Variants in NBPF3 observed in about 807,000 individuals in gnomAD.
NBPF3 encodes the protein NBPF member 3.
NBPF3 carries 57 observed loss-of-function variants against 78.1 expected under a neutral mutation model. That is an observed-to-expected ratio of 0.73 (90% CI 0.59 to 0.91). The LOEUF (loss-of-function observed/expected upper bound fraction) is 0.91. NBPF3 is among the 40% of genes least tolerant of loss of function. The pLI, the probability that NBPF3 is intolerant of heterozygous loss-of-function variation, is 0.00. For missense variants in NBPF3, 510 were observed against 715.3 expected, an observed-to-expected ratio of 0.71 and a Z score of 3.27; for synonymous variants, 182 against 271.7, an observed-to-expected ratio of 0.67 and a Z score of 3.25.
Position 21,447,671 on chromosome 1 carries a change from C to A in NBPF3, c.133+2452C>A, listed in dbSNP as rs531289972. ...CACTTGGTGAAAGACATCTTGGGTA[C>A]TTCCAAGTTTTGGCAATTATGAATA... On this transcript the variant is annotated intron_variant, in intron 2 of 14. Coordinates refer to ENST00000318249, the MANE Select transcript of NBPF3 (RefSeq NM_032264.6). 1.6e-4 allele frequency among the ~76,000 whole-genome samples: 24 copies of A among 152,302 alleles called. No homozygotes were observed. In the South Asian group the frequency reaches 5.0e-3, roughly 32 times the overall value.
At chr1:21,448,480 G>A (rs1418821219) in intron 2 of NBPF3, among the ~76,000 whole-genome samples, 13 of 151,994 alleles carry the variant, frequency 8.6e-5, no homozygotes, top group Non-Finnish European at 4.4e-5. Flanking sequence ...CCTTTTCCAC[G>A]AATCTATTTG....
chr1:21,462,465 A>G (rs1480779646), intron 2 of NBPF3, among the ~76,000 whole-genome samples: 2 of 152,242 alleles, frequency 1.3e-5, no homozygotes, highest in African/African-American at 4.8e-5. Context: ...TTAGCATACA[A>G]CAGAGAGATA....
intron 3 of NBPF3, 72 bp downstream of exon 3, chr1:21,468,969 T>A: frequency 8.4e-7 from 1 of 1,191,836 alleles, no homozygotes; most frequent in Admixed American, 2.0e-5. Flanking sequence ...AACTAAATGC[T>A]CTCTCCATCA....
In NBPF3 at chr1:21,480,247, A is replaced by G. The variant is rs1280668573; in HGVS notation, c.1381+24A>G. 5.6e-6 allele frequency: 6 copies of G among 1,063,010 alleles called. No individual in the cohort carries two copies. In the East Asian group the frequency reaches 1.3e-4, roughly 23 times the overall value. The allele number at this position is 1,063,010 out of a possible 1,614,324, so 65.8% of individuals were successfully genotyped here. On this transcript the variant is annotated intron_variant, in intron 11 of 14. Coordinates refer to ENST00000318249, the MANE Select transcript of NBPF3 (RefSeq NM_032264.6). Reference sequence around the variant, plus strand: ...CAGTGAGTACCTTACTATGAAGGTGATAAGACTCCACCTGGTCCTCCAGAT... The same window carrying G: ...CAGTGAGTACCTTACTATGAAGGTGGTAAGACTCCACCTGGTCCTCCAGAT...
At position 21,471,463 on chromosome 1, in the gene NBPF3, TGGAGGTCTC is replaced by T. The variant is rs1642589369; in HGVS notation, c.447-105_447-97del. 3 of 1,550,882 alleles carry T rather than the reference TGGAGGTCTC, an allele frequency of 1.9e-6. No homozygotes were observed. The Admixed American group carries it at 5.1e-5, about 27-fold the overall frequency. ...TTTAAACATGTGCTGACCTTCTGCT[TGGAGGTCTC>T]CTTGAGGACATTGTCTCAGAAATCT... is the stretch of plus-strand genomic sequence containing the variant. On this transcript the variant is annotated intron_variant, in intron 4 of 14. Transcript: ENST00000318249.
chr1:21,475,451 A>T (rs981253050), intron 8 of NBPF3, among the ~76,000 whole-genome samples: 11 of 152,310 alleles, frequency 7.2e-5, no homozygotes, highest in African/African-American at 2.6e-4. Context: ...AGATTCTGGT[A>T]TGTTGTGTCT....
intron 3 of NBPF3, 88 bp from the exon 4 acceptor site, chr1:21,470,543 TG>T: frequency 9.8e-7 from 1 of 1,024,680 alleles, no homozygotes; most frequent in African/African-American, 1.6e-5. Context: ...GTTTTGTCCT[TG>T]GGATGGACCT....
At chr1:21,457,164 TCA>T (rs1641645997) in intron 2 of NBPF3, among the ~76,000 whole-genome samples, 4 of 92,974 alleles carry the variant, frequency 4.3e-5, no homozygotes, top group Non-Finnish European at 9.5e-5. Context: ...GTCTGGTGGC[TCA>T]CGTGTGTGTG....
chr1:21,457,740 A>G (rs1198723191), intron 2 of NBPF3, among the ~76,000 whole-genome samples: 1 of 152,214 alleles, frequency 6.6e-6, no homozygotes, highest in Non-Finnish European at 1.5e-5. Flanking sequence ...TATGCAAATC[A>G]GATGGACAGT....
At chr1:21,452,318 T>C (rs941371469) in intron 2 of NBPF3, among the ~76,000 whole-genome samples, 2 of 152,216 alleles carry the variant, frequency 1.3e-5, no homozygotes, top group Non-Finnish European at 2.9e-5. Flanking sequence ...AAGAGTGTCT[T>C]ATCTGAAATA....
chr1:21,466,338 G>C (rs1261029838), intron 2 of NBPF3, among the ~76,000 whole-genome samples: 3 of 152,166 alleles, frequency 2.0e-5, no homozygotes, highest in African/African-American at 7.2e-5. Context: ...CTCAAAACAG[G>C]AATCAGAAAT....
chr1:21,472,897 A>C lies in NBPF3; in HGVS notation c.716A>C (p.Gln239Pro). The C allele has an allele frequency of 6.2e-7, 1 of 1,612,148 alleles. No individual in the cohort carries two copies. Among genetic ancestry groups the C allele is most frequent in the Non-Finnish European group, 8.5e-7 (1 of 1,178,186 alleles). The change falls in exon 6 of 15, where the codon CAG (glutamine) becomes CCG (proline). Residue 239 changes from glutamine to proline, a missense_variant. Coordinates refer to ENST00000318249, the MANE Select transcript of NBPF3 (RefSeq NM_032264.6). ...AAAGTTGAGGAGGCTGAGAAAGTAC[A>C]GGAATTATATGCCCCCAGGTAACGC... ...DVKVEEAEKV[Q>P]ELYAPREVQK... is the part of the protein sequence containing the mutation.
At chr1:21,448,911 A>G (rs1405612709) in intron 2 of NBPF3, among the ~76,000 whole-genome samples, 2 of 152,236 alleles carry the variant, frequency 1.3e-5, no homozygotes, top group East Asian at 3.8e-4. Context: ...TGTGAGGACA[A>G]GTGATGACTG....
intron 2 of NBPF3, chr1:21,467,342 G>A: frequency 3.0e-6 from 3 of 985,494 alleles, no homozygotes; most frequent in Non-Finnish European, 3.6e-6. Flanking sequence ...GGAGACCTGG[G>A]CTACAGAACA....
chr1:21,444,146 TAAAAG>T (rs1198847012), intron 1 of NBPF3, among the ~76,000 whole-genome samples: 1 of 152,212 alleles, frequency 6.6e-6, no homozygotes, highest in Non-Finnish European at 1.5e-5. Context: ...AAATATTTCT[TAAAAG>T]AATGAATGAA....
At chr1:21,462,436 T>C (rs1224678634) in intron 2 of NBPF3, among the ~76,000 whole-genome samples, 1 of 152,160 alleles carries the variant, frequency 6.6e-6, no homozygotes, top group Non-Finnish European at 1.5e-5. Flanking sequence ...TATGCAAATT[T>C]TACCTCAGTG....
rs1186485924 is a variant in NBPF3, at chr1:21,477,960, G to A, written c.993-184G>A. ...GAGCACGTGCTGCCCATTTTTGTTC[G>A]GTCCTCAGAGCAGTCACCCTCCAGC... On this transcript the variant is annotated intron_variant, in intron 8 of 14. Coordinates refer to ENST00000318249, the MANE Select transcript of NBPF3 (RefSeq NM_032264.6). 2.3e-5 allele frequency: 30 copies of A among 1,321,618 alleles called. 1 individual carries two copies. The highest frequency in any genetic ancestry group is 2.1e-4 in the South Asian group (15 of 70,758). The allele number at this position is 1,321,618 out of a possible 1,614,324, so 81.9% of individuals were successfully genotyped here.
At chr1:21,472,803 G>T (rs1642671508) in intron 5 of NBPF3, 40 bp from the exon 6 acceptor site, 6 of 1,440,432 alleles carry the variant, frequency 4.2e-6, no homozygotes, top group Non-Finnish European at 5.9e-6. Context: ...TGCAGAGTGT[G>T]AATTGGGAAA....
At chr1:21,473,634 A>G (rs1638647477) in intron 7 of NBPF3, 49 bp downstream of exon 7, 6 of 1,492,344 alleles carry the variant, frequency 4.0e-6, no homozygotes, top group Non-Finnish European at 5.6e-6. Flanking sequence ...GCTGAGGAAT[A>G]TAAACTCTGA....
Sources: gnomAD v4.1 joint callset for allele counts (sites outside exome capture counted in the v4.1 genomes callset) on GRCh38, gnomAD v4.1.1 for gene constraint, MANE v1.5 for transcripts, NCBI Gene and HGNC (gene_info 2026-07-23, HGNC 2026-07-21) for gene names.